NAV3: variants seen among roughly 807,000 people sequenced by gnomAD.
The protein encoded by NAV3 is neuron navigator 3, also known as pore membrane and/or filament interacting like protein 1.
In NAV3, 87 loss-of-function variants were observed where a neutral mutation model predicts 244.7. The ratio of observed to expected loss-of-function variants is 0.36; its 90% CI spans 0.30 to 0.42. NAV3 has a LOEUF of 0.42. NAV3 is among the 20% of genes least tolerant of loss of function. NAV3 has a pLI of 1.00. For missense variants in NAV3, 2,663 were observed against 2,893.3 expected (o/e 0.92, Z 1.83); for synonymous variants, 1,126 against 1,042.2 (o/e 1.08, Z -1.55).
At chr12:77,908,407 A>C (rs1054998284) in intron 1 of NAV3, among the ~76,000 whole-genome samples, 2 of 152,076 alleles carry the variant, frequency 1.3e-5, no homozygotes, top group Non-Finnish European at 2.9e-5. Context: ...TATTTAAGGA[A>C]TATAAAATGG....
chr12:78,098,674 T>C (rs1954380683), intron 12 of NAV3, among the ~76,000 whole-genome samples: 1 of 151,270 alleles, frequency 6.6e-6, no homozygotes, highest in Non-Finnish European at 1.5e-5. Flanking sequence ...TATCGTTAAT[T>C]AAAAGGAAAA....
chr12:78,175,756 A>G (rs1958194176), intron 25 of NAV3, among the ~76,000 whole-genome samples: 1 of 150,354 alleles, frequency 6.7e-6, no homozygotes, highest in South Asian at 2.1e-4. Context: ...ATTTTTCTAT[A>G]GTATAACTAT....
At chr12:77,889,484 T>C (rs1358392226) in intron 1 of NAV3, among the ~76,000 whole-genome samples, 4 of 152,198 alleles carry the variant, frequency 2.6e-5, no homozygotes, top group African/African-American at 9.6e-5. Context: ...TAGGTAGACA[T>C]ATCTATGGCT....
chr12:77,700,835 T>G (rs1300285807), intron 2 of NAV3, among the ~76,000 whole-genome samples: 3 of 151,926 alleles, frequency 2.0e-5, no homozygotes, highest in African/African-American at 7.2e-5. Flanking sequence ...TCTATTAATA[T>G]AGTTAATTGC....
At chr12:77,747,581 C>T (rs1401908145) in intron 2 of NAV3, among the ~76,000 whole-genome samples, 2 of 152,194 alleles carry the variant, frequency 1.3e-5, no homozygotes, top group Admixed American at 6.5e-5. Flanking sequence ...GACACATGCA[C>T]ATGCATGTTT....
intron 1 of NAV3, among the ~76,000 whole-genome samples, chr12:77,844,713 A>T (rs1007579446): frequency 6.6e-6 from 1 of 152,310 alleles, no homozygotes; most frequent in African/African-American, 2.4e-5. Context: ...ATATAGTCAT[A>T]TACATATACC....
intron 9 of NAV3, among the ~76,000 whole-genome samples, chr12:78,035,272 A>G (rs1328950115): frequency 6.6e-6 from 1 of 152,180 alleles, no homozygotes; most frequent in East Asian, 1.9e-4. Context: ...ATATCTCTGC[A>G]TATTTCTCCA....
chr12:77,789,753 T>C (rs1317916212), intron 2 of NAV3, among the ~76,000 whole-genome samples: 1 of 138,826 alleles, frequency 7.2e-6, no homozygotes, highest in African/African-American at 2.7e-5. Context: ...GACGTTGCAG[T>C]GAGCTGAGAT....
chr12:77,868,794 G>A (rs1266727910), intron 1 of NAV3, among the ~76,000 whole-genome samples: 1 of 151,320 alleles, frequency 6.6e-6, no homozygotes, highest in Non-Finnish European at 1.5e-5. Context: ...TAGAGGCTGG[G>A]CATGGTGGCT....
intron 1 of NAV3, among the ~76,000 whole-genome samples, chr12:77,834,389 A>G (rs1874258373): frequency 6.6e-6 from 1 of 152,230 alleles, no homozygotes. Context: ...TCTCAGTTCA[A>G]AGTGAACAAT....
At chr12:77,573,913 T>C (rs2136649799) in intron 2 of NAV3, among the ~76,000 whole-genome samples, 1 of 152,292 alleles carries the variant, frequency 6.6e-6, no homozygotes, top group Admixed American at 6.5e-5. Flanking sequence ...GAACGAATTC[T>C]TAGAGTCATC....
At chr12:78,010,144 A>G (rs1024589238) in intron 8 of NAV3, among the ~76,000 whole-genome samples, 1 of 152,216 alleles carries the variant, frequency 6.6e-6, no homozygotes, top group Non-Finnish European at 1.5e-5. Context: ...ATCAATGCAG[A>G]ACAATTTTAC....
chr12:78,167,348 G>A (rs903134194), intron 23 of NAV3, among the ~76,000 whole-genome samples: 1 of 151,588 alleles, frequency 6.6e-6, no homozygotes, highest in African/African-American at 2.4e-5. Flanking sequence ...TTTTCATTAT[G>A]AGAGATTCTT....
At chr12:78,127,114 A>G in intron 16 of NAV3, 53 bp from the exon 17 acceptor site, 2 of 1,581,876 alleles carry the variant, frequency 1.3e-6, no homozygotes, top group Non-Finnish European at 1.7e-6. Context: ...TGGATGTGTA[A>G]TTTGGAAGTT....
At chr12:77,918,378 G>C (rs1432979837) in intron 1 of NAV3, among the ~76,000 whole-genome samples, 1 of 149,888 alleles carries the variant, frequency 6.7e-6, no homozygotes, top group Non-Finnish European at 1.5e-5. Flanking sequence ...GCTAATATTA[G>C]AGGGACCTTT....
rs114134222 is a variant in NAV3, at chr12:78,134,075, A to G, written c.4442-3102A>G. ...TTAATGTCAACCTGTCACTTCTAAT[A>G]TCCATCTAATATTCTCTAAATTCGA... is the stretch of plus-strand genomic sequence containing the variant. On this transcript the variant is annotated intron_variant, in intron 18 of 39. Coordinates refer to ENST00000397909, the MANE Select transcript of NAV3 (RefSeq NM_001024383.2). Among the ~76,000 whole-genome samples the G allele has an allele frequency of 9.8e-3, 1,494 of 151,900 alleles. 21 individuals are homozygous for G. The highest frequency in any genetic ancestry group is 0.033 in the African/African-American group (1,371 of 41,556).
Position 78,192,761 on chromosome 12 carries a change from C to A in NAV3, c.6291+2542C>A, listed in dbSNP as rs573896880. On this transcript the variant is annotated intron_variant, in intron 34 of 39. Coordinates refer to ENST00000397909, the MANE Select transcript of NAV3 (RefSeq NM_001024383.2). Reference sequence around the variant, plus strand: ...AATAGCATTCATTCCCAAGAAAACACAAATTATAACTAAAAAATATTTATT... The same window carrying A: ...AATAGCATTCATTCCCAAGAAAACAAAAATTATAACTAAAAAATATTTATT... Among the ~76,000 whole-genome samples the A allele has an allele frequency of 2.0e-5, 3 of 152,164 alleles. No individual in the cohort carries two copies. The East Asian group carries it at 5.8e-4, about 29-fold the overall frequency.
chr12:77,676,891 G>A (rs1195961188), intron 2 of NAV3, among the ~76,000 whole-genome samples: 1 of 152,134 alleles, frequency 6.6e-6, no homozygotes, highest in African/African-American at 2.4e-5. Context: ...TAAGGGTGAG[G>A]TGTATGAGGA....
At chr12:77,733,111 G>A (rs1456739644) in intron 2 of NAV3, among the ~76,000 whole-genome samples, 1 of 151,874 alleles carries the variant, frequency 6.6e-6, no homozygotes, top group African/African-American at 2.4e-5. Flanking sequence ...AAAATTAATT[G>A]GAAATATCAG....
Sources: gnomAD v4.1 joint callset for allele counts (sites outside exome capture counted in the v4.1 genomes callset) on GRCh38, gnomAD v4.1.1 for gene constraint, MANE v1.5 for transcripts, NCBI Gene and HGNC (gene_info 2026-07-23, HGNC 2026-07-21) for gene names.